The following MAN2B1 variants were observed in gnomAD, a reference collection of about 807,000 sequenced individuals.
MAN2B1 encodes lysosomal alpha-mannosidase.
Under a neutral mutation model 127.5 loss-of-function variants are expected in MAN2B1, and 99 were observed. That is an observed-to-expected ratio of 0.78 (90% CI 0.66 to 0.92). The LOEUF (loss-of-function observed/expected upper bound fraction) is 0.92. MAN2B1 is among the 40% of genes least tolerant of loss of function. The probability of loss-of-function intolerance (pLI) is 0.00; values close to 1 mark genes in which losing one functional copy is unlikely to be tolerated. For synonymous variants in MAN2B1, 573 were observed against 568.8 expected, an observed-to-expected ratio of 1.01 and a Z score of -0.11; for missense variants, 1,304 against 1,384.8, an observed-to-expected ratio of 0.94 and a Z score of 0.93.
rs757037107 is a variant in MAN2B1, at chr19:12,652,440, A to T, written c.1851T>A (p.Asp617Glu). ...IENEHIRATF[D>E]PDTGLLMEIM... ...TCTCCATCAACAGCCCTGTGTCAGG[A>T]TCAAACGTTGCCCGGATGTGCTGGG... Residue 617 changes from aspartate to glutamate, a missense_variant, in exon 15 of 24, where the codon GAT becomes GAA. Transcript: ENST00000456935. 2 of 1,614,028 alleles carry T rather than the reference A, an allele frequency of 1.2e-6. No homozygotes were observed. Among genetic ancestry groups the T allele is most frequent in the Non-Finnish European group, 8.5e-7 (1 of 1,179,980 alleles).
At position 12,657,017 on chromosome 19, in the gene MAN2B1, T is replaced by G. The variant is rs776039493; in HGVS notation, c.1459A>C (p.Lys487Gln). 5.6e-6 allele frequency: 9 copies of G among 1,613,384 alleles called. No homozygotes were observed. Among genetic ancestry groups the G allele is most frequent in the Non-Finnish European group, 7.6e-6 (9 of 1,179,948 alleles). ...TGTTGGCAAAAGGTGAAGTGATCTT[T>G]GAAGCCTCTGAGCCGCGCCAGCGCG... ...SNALARLRGF[K>Q]DHFTFCQQLN... is the part of the protein sequence containing the mutation. Residue 487 changes from lysine (K) to glutamine (Q), a missense_variant, in exon 12 of 24, where the codon AAA becomes CAA. Coordinates refer to ENST00000456935, the MANE Select transcript of MAN2B1 (RefSeq NM_000528.4).
At position 12,657,541 on chromosome 19, in the gene MAN2B1, C is replaced by T; in HGVS notation, c.1324G>A (p.Val442Met). Residue 442 changes from valine (V) to methionine (M), a missense_variant, in exon 11 of 24, where the codon GTG (valine) becomes ATG (methionine). By Grantham distance (21) the Val-to-Met change is conservative. Coordinates refer to ENST00000456935, the MANE Select transcript of MAN2B1 (RefSeq NM_000528.4). ...DSAPLNEAMA[V>M]LQHHDAVSGT... ...CTGACGGCGTCGTGATGCTGGAGCA[C>T]AGCCATCGCCTCATCTGCTCATAGA... 6.4e-7 allele frequency: 1 copy of T among 1,563,626 alleles called. No individual in the cohort carries two copies. The highest frequency in any genetic ancestry group is 1.2e-5 in the South Asian group (1 of 85,226).
intron 4 of MAN2B1, 114 bp from the exon 5 acceptor site, chr19:12,663,949 T>A: frequency 7.3e-7 from 1 of 1,373,496 alleles, no homozygotes; most frequent in Non-Finnish European, 1.0e-6. Flanking sequence ...CAGTGCTAGG[T>A]CGATGTGGTG....
At chr19:12,665,851 G>A in intron 1 of MAN2B1, 46 bp from the exon 2 acceptor site, 1 of 1,459,134 alleles carries the variant, frequency 6.9e-7, no homozygotes, top group Non-Finnish European at 9.6e-7. Context: ...TAACCCCCGA[G>A]GTCGGGGGCT....
Position 12,658,526 on chromosome 19 carries a change from A to C in MAN2B1, c.1027-16T>G, listed in dbSNP as rs2145262419. The C allele has an allele frequency of 1.2e-6, 2 of 1,613,492 alleles. No homozygotes were observed. The highest frequency in any genetic ancestry group is 1.7e-6 in the Non-Finnish European group (2 of 1,179,698). On this transcript the variant is annotated splice_polypyrimidine_tract_variant and intron_variant, in intron 7 of 23. Coordinates refer to ENST00000456935, the MANE Select transcript of MAN2B1 (RefSeq NM_000528.4). ...CTTTTGCCTGCTGCTGGGGGAGGCGACGGAGTGAGCCCTCGGGAGTCCGCA... is the reference window on the plus strand; with the variant it reads ...CTTTTGCCTGCTGCTGGGGGAGGCGCCGGAGTGAGCCCTCGGGAGTCCGCA...
Position 12,650,145 on chromosome 19 carries a change from C to G in MAN2B1, c.2124G>C (p.Arg708=). The G allele has an allele frequency of 6.2e-7, 1 of 1,614,090 alleles. No homozygotes were observed. Among genetic ancestry groups the G allele is most frequent in the Non-Finnish European group, 8.5e-7 (1 of 1,180,024 alleles). The change falls in exon 17 of 24, where the codon CGG becomes CGC. Residue 708 remains arginine, a synonymous_variant. Coordinates refer to ENST00000456935, the MANE Select transcript of MAN2B1 (RefSeq NM_000528.4). ...CCACCGACCACTCTAGCTCCAGGTG[C>G]CGCTGTCCTGGGTACAGGCGAACCA... The part of the protein sequence containing the change: ...SQVVRLYPGQ[R]HLELEWSVGP...
chr19:12,654,675 CTTTTA>C (rs1415752491), intron 14 of MAN2B1, among the ~76,000 whole-genome samples: 1 of 152,054 alleles, frequency 6.6e-6, no homozygotes, highest in East Asian at 1.9e-4. Flanking sequence ...TGCAGAACTT[CTTTTA>C]TTTTATTTTA....
At chr19:12,657,091 G>T (rs780659522) in intron 11 of MAN2B1, 35 bp from the exon 12 acceptor site, 2 of 1,316,226 alleles carry the variant, frequency 1.5e-6, no homozygotes, top group Admixed American at 1.8e-5. Flanking sequence ...GTGGGTTCAG[G>T]ACGCCAGGCC....
At chr19:12,652,844 T>A (rs1599345234) in intron 14 of MAN2B1, among the ~76,000 whole-genome samples, 2 of 152,010 alleles carry the variant, frequency 1.3e-5, no homozygotes, top group African/African-American at 2.4e-5. Flanking sequence ...ATTTTTATTT[T>A]TTTTTTTTGA....
rs574411653 is a variant in MAN2B1 at position 12,647,553 on chromosome 19, T to A, written c.2710A>T (p.Thr904Ser). The A allele has an allele frequency of 4.3e-5, 70 of 1,613,872 alleles. No homozygotes were observed. In the South Asian group the frequency reaches 7.7e-4, roughly 18 times the overall value. The change falls in exon 22 of 24, where the codon ACG becomes TCG. Residue 904 changes from threonine (T) to serine (S), a missense_variant. Physicochemically the swap from Thr to Ser is moderately conservative, Grantham distance 58. Transcript: ENST00000456935. This position sits in a 1 kb window ranked among gnomAD's most constrained non-coding sequence, Gnocchi z 4.9. ...ATTTCGGGGCCCCAGCTGGCCAGCG[T>A]GAGCAGGTGCACCGAGGGCGGCAGG... is the stretch of plus-strand genomic sequence containing the variant. ...RDLPPSVHLL[T>S]LASWGPEMVL...
At chr19:12,653,737 G>C (rs2023895044) in intron 14 of MAN2B1, among the ~76,000 whole-genome samples, 1 of 151,180 alleles carries the variant, frequency 6.6e-6, no homozygotes, top group African/African-American at 2.4e-5. Flanking sequence ...GTTTGCTTTT[G>C]AGACAGAGTC....
chr19:12,660,847 C>T (rs760881377), intron 7 of MAN2B1: 1 of 267,534 alleles, frequency 3.7e-6, no homozygotes, highest in Non-Finnish European at 7.5e-6. Flanking sequence ...CAACCTCCGC[C>T]TCCCGGATTC....
intron 4 of MAN2B1, 61 bp downstream of exon 4, chr19:12,664,731 T>C: frequency 1.3e-6 from 2 of 1,537,294 alleles, no homozygotes; most frequent in Non-Finnish European, 1.8e-6. Context: ...GGGGTTTGAC[T>C]GGGCGAGGGA....
chr19:12,646,713 A>T lies in MAN2B1; in HGVS notation c.2943T>A (p.Thr981=). The change falls in exon 24 of 24, where the codon ACT becomes ACA. Residue 981 remains threonine, a synonymous_variant. Transcript: ENST00000456935. ...TTNTGPTPHQ[T]PYQLDPANIT... ...TGTTGGCCGGGTCCAGCTGGTACGG[A>T]GTTTGGTGGGGTGTGGGGCCTGGAG... 6.2e-7 allele frequency: 1 copy of T among 1,613,772 alleles called. No homozygotes were observed.
In MAN2B1 at chr19:12,657,507, G is replaced by A. The variant is rs864621984; in HGVS notation, c.1358C>T (p.Ser453Phe). ...LQHHDAVSGT[S>F]RQHVANDYAR... ...GTAGTCGTTGGCCACGTGCTGGCGG[G>A]AGGTGCCGCTGACGGCGTCGTGATG... is the stretch of plus-strand genomic sequence containing the variant. The change falls in exon 11 of 24, where the codon TCC becomes TTC. Residue 453 changes from serine to phenylalanine, a missense_variant. Coordinates refer to ENST00000456935, the MANE Select transcript of MAN2B1 (RefSeq NM_000528.4). 1.3e-6 allele frequency: 2 copies of A among 1,570,010 alleles called. No individual in the cohort carries two copies. Among genetic ancestry groups the A allele is most frequent in the Non-Finnish European group, 1.7e-6 (2 of 1,158,076 alleles).
intron 11 of MAN2B1, 154 bp downstream of exon 11, chr19:12,657,292 C>T: frequency 1.4e-6 from 1 of 719,746 alleles, no homozygotes; most frequent in Non-Finnish European, 2.4e-6. Flanking sequence ...TGTATCTTTC[C>T]CCGCCTCCTA....
Position 12,652,617 on chromosome 19 carries a change from C to G in MAN2B1, c.1831-157G>C, listed in dbSNP as rs562863302. 4.0e-5 allele frequency among the ~76,000 whole-genome samples: 6 copies of G among 151,060 alleles called. 1 individual carries two copies. Among genetic ancestry groups the G allele is most frequent in the African/African-American group, 1.5e-4 (6 of 41,306 alleles). On this transcript the variant is annotated intron_variant, in intron 14 of 23. Coordinates refer to ENST00000456935, the MANE Select transcript of MAN2B1 (RefSeq NM_000528.4). ...TGCAATCTTGGCTCACTGCACCCCCCACCTCCCGGGTTCAAGTGATTCTCG... is the reference window on the plus strand; with the variant it reads ...TGCAATCTTGGCTCACTGCACCCCCGACCTCCCGGGTTCAAGTGATTCTCG...
In MAN2B1 at chr19:12,647,706, C is replaced by T. The variant is rs1324773718; in HGVS notation, c.2665-108G>A. ...GGGCTAGGTTGTAGGGGCGGGGTTTCGCCGGAGAGGGGCAAGGCTCAGCCG... is the reference window on the plus strand; with the variant it reads ...GGGCTAGGTTGTAGGGGCGGGGTTTTGCCGGAGAGGGGCAAGGCTCAGCCG... On this transcript the variant is annotated intron_variant, in intron 21 of 23. Coordinates refer to ENST00000456935, the MANE Select transcript of MAN2B1 (RefSeq NM_000528.4). The surrounding 1 kb of genome is among the most constrained non-coding windows in gnomAD (Gnocchi z 4.9). 1 of 898,470 alleles carries T rather than the reference C, an allele frequency of 1.1e-6. No homozygotes were observed. Among genetic ancestry groups the T allele is most frequent in the Non-Finnish European group, 1.7e-6 (1 of 596,200 alleles). The allele number at this position is 898,470 out of a possible 1,614,324, so 55.7% of individuals were successfully genotyped here. A position where few individuals can be genotyped will look rare whatever the true frequency, so the allele number is the denominator to read the frequency against.
chr19:12,665,816 AC>A lies in MAN2B1; in HGVS notation c.160-12del. On this transcript the variant is annotated splice_polypyrimidine_tract_variant and intron_variant, in intron 1 of 23. Coordinates refer to ENST00000456935, the MANE Select transcript of MAN2B1 (RefSeq NM_000528.4). Reference sequence around the variant, plus strand: ...CACTGTGGGGCATGTCTGCACAGGGACCCCAAACACACATACCTTGTCAATA... The same window carrying A: ...CACTGTGGGGCATGTCTGCACAGGGACCCAAACACACATACCTTGTCAATA... The A allele has an allele frequency of 6.2e-7, 1 of 1,606,196 alleles. No homozygotes were observed. Among genetic ancestry groups the A allele is most frequent in the Non-Finnish European group, 8.5e-7 (1 of 1,173,728 alleles).
Sources: allele counts gnomAD v4.1 joint callset (sites outside exome capture counted in the v4.1 genomes callset), GRCh38; gene constraint gnomAD v4.1.1; non-coding constraint Gnocchi (gnomAD v3.1); transcripts MANE v1.5; gene names NCBI Gene and HGNC (gene_info 2026-07-23, HGNC 2026-07-21).